The following ABLIM1 variants were observed in gnomAD, a reference collection of about 807,000 sequenced individuals.
The protein encoded by ABLIM1 is actin binding LIM protein 1.
Under a neutral mutation model 107.0 loss-of-function variants are expected in ABLIM1, and 40 were observed. That is an observed-to-expected ratio of 0.37 (90% CI 0.29 to 0.49). ABLIM1 has a LOEUF of 0.49. ABLIM1 is among the 20% of genes least tolerant of loss of function. The pLI, the probability that ABLIM1 is intolerant of heterozygous loss-of-function variation, is 0.97. For synonymous variants in ABLIM1, 357 were observed against 357.3 expected (o/e 1.00, Z 0.01); for missense variants, 857 against 1,008.5 (o/e 0.85, Z 2.04).
the ABLIM1 span, among the ~76,000 whole-genome samples, chr10:114,781,552 ATGTGTG>A: frequency 1.5e-4 from 22 of 149,020 alleles, no homozygotes; most frequent in Non-Finnish European, 2.5e-4. Flanking sequence ...ATATCTATAT[ATGTGTG>A]TGTGTGTGTG....
At chr10:114,782,884 T>C in the ABLIM1 span, among the ~76,000 whole-genome samples, 1 of 152,046 alleles carries the variant, frequency 6.6e-6, no homozygotes, top group Non-Finnish European at 1.5e-5. Flanking sequence ...GGCTGAGGAA[T>C]AGGGAAGAAC....
chr10:114,658,691 G>A (rs1434807192), upstream of ABLIM1, among the ~76,000 whole-genome samples: 1 of 152,134 alleles, frequency 6.6e-6, no homozygotes, highest in African/African-American at 2.4e-5. Flanking sequence ...GGGAAGGCTC[G>A]ATAAAGATCC....
At chr10:114,509,121 G>C (rs2061516228) in intron 6 of ABLIM1, among the ~76,000 whole-genome samples, 1 of 152,160 alleles carries the variant, frequency 6.6e-6, no homozygotes, top group Admixed American at 6.5e-5. Flanking sequence ...CAGGAGAGCA[G>C]GAGGAAAAGA....
chr10:114,793,364 G>A, the ABLIM1 span, among the ~76,000 whole-genome samples: 8 of 151,994 alleles, frequency 5.3e-5, no homozygotes, highest in East Asian at 1.9e-4. Context: ...GCCATGTGAC[G>A]TGCCTGCTCC....
chr10:114,640,630 A>T (rs941096696), intron 1 of ABLIM1, among the ~76,000 whole-genome samples: 1 of 152,244 alleles, frequency 6.6e-6, no homozygotes, highest in African/African-American at 2.4e-5. Flanking sequence ...AGAATAAAGT[A>T]CATAACATCT....
At chr10:114,477,291 C>G (rs1457475528) in intron 8 of ABLIM1, among the ~76,000 whole-genome samples, 1 of 152,112 alleles carries the variant, frequency 6.6e-6, no homozygotes, top group African/African-American at 2.4e-5. Context: ...ATTTTTGTTG[C>G]GCTAGCTCTG....
intron 7 of ABLIM1, among the ~76,000 whole-genome samples, chr10:114,491,006 G>GTATATATATATATA (rs759409911): frequency 3.4e-5 from 2 of 59,228 alleles, no homozygotes; most frequent in East Asian, 5.8e-4. Context: ...GTGTGTGTGT[G>GTATATATATATATA]TGTGTGTATA....
Position 114,628,580 on chromosome 10 carries a change from C to T in ABLIM1, c.245-26619G>A, listed in dbSNP as rs1447695855. 1.3e-5 allele frequency among the ~76,000 whole-genome samples: 2 copies of T among 152,304 alleles called. 1 individual carries two copies. Among genetic ancestry groups the T allele is most frequent in the East Asian group, 3.9e-4 (2 of 5,190 alleles). Reference sequence around the variant, plus strand: ...ACTGGGTCCCGCTCTATCCCAAAAGCAAGTTGGGCCATCCAACAATGTCAG... The same window carrying T: ...ACTGGGTCCCGCTCTATCCCAAAAGTAAGTTGGGCCATCCAACAATGTCAG... On this transcript the variant is annotated intron_variant, in intron 1 of 22. Coordinates refer to ENST00000533213, the MANE Select transcript of ABLIM1 (RefSeq NM_002313.7).
intron 6 of ABLIM1, among the ~76,000 whole-genome samples, chr10:114,517,813 T>C (rs1029408320): frequency 2.6e-5 from 4 of 152,196 alleles, no homozygotes; most frequent in Non-Finnish European, 4.4e-5. Flanking sequence ...GGTGCTGTGC[T>C]GGCAGAAAGT....
chr10:114,656,266 T>C (rs555677404), intron 1 of ABLIM1, among the ~76,000 whole-genome samples: 2 of 69,894 alleles, frequency 2.9e-5, no homozygotes, highest in South Asian at 5.4e-4. Context: ...CAAAACTCCG[T>C]CTCAAAAAAA....
At chr10:114,521,588 G>C (rs941333370) in intron 6 of ABLIM1, among the ~76,000 whole-genome samples, 2 of 152,094 alleles carry the variant, frequency 1.3e-5, no homozygotes, top group South Asian at 4.1e-4. Context: ...GAGTCAAAGA[G>C]GAATCACAGG....
chr10:114,624,792 T>C (rs1028905503), intron 1 of ABLIM1, among the ~76,000 whole-genome samples: 73 of 152,112 alleles, frequency 4.8e-4, no homozygotes, highest in African/African-American at 1.5e-3. Flanking sequence ...TTTTTAAACA[T>C]GTGAAATCCT....
intron 6 of ABLIM1, among the ~76,000 whole-genome samples, chr10:114,532,617 T>C (rs1394984743): frequency 2.6e-5 from 4 of 152,198 alleles, no homozygotes; most frequent in Non-Finnish European, 5.9e-5. Flanking sequence ...ATCCTTAGCC[T>C]GGTAATACTG....
At chr10:114,587,150 AC>A (rs1437298363) in intron 2 of ABLIM1, among the ~76,000 whole-genome samples, 1 of 152,228 alleles carries the variant, frequency 6.6e-6, no homozygotes, top group East Asian at 1.9e-4. Flanking sequence ...AATCTTTTAA[AC>A]AGGCTAATTC....
At chr10:114,455,931 C>G (rs1291451726) in intron 12 of ABLIM1, among the ~76,000 whole-genome samples, 2 of 151,988 alleles carry the variant, frequency 1.3e-5, no homozygotes, top group Non-Finnish European at 2.9e-5. Context: ...TCCCGCCTCA[C>G]CCTCCTGAGT....
intron 6 of ABLIM1, among the ~76,000 whole-genome samples, chr10:114,537,029 G>A (rs1474893236): frequency 6.6e-6 from 1 of 152,138 alleles, no homozygotes; most frequent in Non-Finnish European, 1.5e-5. Context: ...CATGTTTATT[G>A]TCCTGAGAAT....
intron 2 of ABLIM1, among the ~76,000 whole-genome samples, chr10:114,589,439 G>C (rs542714082): frequency 6.6e-6 from 1 of 151,454 alleles, no homozygotes; most frequent in Non-Finnish European, 1.5e-5. Context: ...TGAAGTATGA[G>C]AATTACTTGA....
intron 1 of ABLIM1, among the ~76,000 whole-genome samples, chr10:114,717,669 C>T (rs1036879408): frequency 6.6e-6 from 1 of 152,100 alleles, no homozygotes; most frequent in African/African-American, 2.4e-5. Flanking sequence ...AATCCCAGCA[C>T]TTTGGGAGGC....
chr10:114,701,919 G>A (rs1474522227), intron 1 of ABLIM1, among the ~76,000 whole-genome samples: 1 of 152,176 alleles, frequency 6.6e-6, no homozygotes, highest in Non-Finnish European at 1.5e-5. Flanking sequence ...TTAAAAATAA[G>A]AGAGGATGTA....
Sources: allele counts gnomAD v4.1 joint callset (sites outside exome capture counted in the v4.1 genomes callset), GRCh38; gene constraint gnomAD v4.1.1; transcripts MANE v1.5; gene names NCBI Gene and HGNC (gene_info 2026-07-23, HGNC 2026-07-21).